The following LRMDA variants were observed in gnomAD, a reference collection of about 807,000 sequenced individuals.
The protein encoded by LRMDA is leucine-rich melanocyte differentiation-associated protein.
Under a neutral mutation model 29.8 loss-of-function variants are expected in LRMDA, and 18 were observed. That is an observed-to-expected ratio of 0.60 (90% confidence interval 0.42 to 0.90). The LOEUF (loss-of-function observed/expected upper bound fraction) is 0.90. Among genes scored for constraint, LRMDA ranks in the 40% least tolerant of loss-of-function variants. The pLI is 0.00. For synonymous variants in LRMDA, 125 were observed against 109.4 expected (o/e 1.14, Z -0.89); for missense variants, 273 against 273.9 (o/e 1.00, Z 0.02).
At chr10:76,554,870 G>GGTGT (rs72203665) in intron 6 of LRMDA, among the ~76,000 whole-genome samples, 728 of 150,608 alleles carry the variant, frequency 4.8e-3, no homozygotes, top group African/African-American at 0.016. Context: ...CATGGTGGGT[G>GGTGT]GTGTGTGTGT....
chr10:75,918,915 C>G (rs1845980407), intron 2 of LRMDA, among the ~76,000 whole-genome samples: 1 of 152,172 alleles, frequency 6.6e-6, no homozygotes, highest in Non-Finnish European at 1.5e-5. Flanking sequence ...ATGGAGCAGA[C>G]AGTTCCTCCC....
intron 2 of LRMDA, among the ~76,000 whole-genome samples, chr10:75,900,562 A>C (rs1361842095): frequency 2.0e-5 from 3 of 152,178 alleles, no homozygotes; most frequent in Non-Finnish European, 4.4e-5. Context: ...GCACAAGAAA[A>C]AAGAGATTGA....
chr10:76,011,856 C>T (rs1486979418), intron 2 of LRMDA, among the ~76,000 whole-genome samples: 1 of 152,170 alleles, frequency 6.6e-6, no homozygotes, highest in Non-Finnish European at 1.5e-5. Flanking sequence ...ATAGGCACAT[C>T]CCTGACTTCC....
chr10:75,751,761 A>G (rs557654261), intron 2 of LRMDA, among the ~76,000 whole-genome samples: 2 of 151,884 alleles, frequency 1.3e-5, no homozygotes, highest in East Asian at 3.9e-4. Context: ...ACATTATTAA[A>G]TACACGGCTC....
intron 3 of LRMDA, among the ~76,000 whole-genome samples, chr10:76,039,831 A>G (rs923774905): frequency 6.6e-6 from 1 of 152,244 alleles, no homozygotes; most frequent in African/African-American, 2.4e-5. Flanking sequence ...CTAGTAACAT[A>G]GTAAGTGCTA....
chr10:75,493,467 T>A (rs1845011423), intron 2 of LRMDA, among the ~76,000 whole-genome samples: 1 of 151,728 alleles, frequency 6.6e-6, no homozygotes, highest in South Asian at 2.1e-4. Flanking sequence ...GTTGAAGGTA[T>A]GTTCTCTCAA....
intron 2 of LRMDA, among the ~76,000 whole-genome samples, chr10:75,556,174 G>T (rs1409313908): frequency 6.6e-6 from 1 of 152,050 alleles, no homozygotes; most frequent in African/African-American, 2.4e-5. Context: ...CAATCATTAA[G>T]CAGGATTAAT....
At chr10:75,691,605 A>G (rs984057742) in intron 2 of LRMDA, among the ~76,000 whole-genome samples, 2 of 152,180 alleles carry the variant, frequency 1.3e-5, no homozygotes, top group Non-Finnish European at 2.9e-5. Context: ...TTCTATCAAC[A>G]TAAGCTCATA....
intron 2 of LRMDA, among the ~76,000 whole-genome samples, chr10:75,747,347 G>A (rs953412579): frequency 6.6e-6 from 1 of 152,084 alleles, no homozygotes; most frequent in African/African-American, 2.4e-5. Flanking sequence ...TTTAATTATG[G>A]TATTATTCAA....
intron 2 of LRMDA, among the ~76,000 whole-genome samples, chr10:75,468,794 G>A (rs999872588): frequency 1.3e-5 from 2 of 151,894 alleles, no homozygotes; most frequent in African/African-American, 2.4e-5. Context: ...AGTCCATGGC[G>A]GCCGTCCAGC....
intron 2 of LRMDA, among the ~76,000 whole-genome samples, chr10:75,666,115 T>C (rs2132138836): frequency 6.6e-6 from 1 of 152,284 alleles, no homozygotes; most frequent in East Asian, 1.9e-4. Context: ...AGCATGAAAA[T>C]TCTTATCTTT....
intron 2 of LRMDA, among the ~76,000 whole-genome samples, chr10:75,907,053 C>G (rs141740571): frequency 1.3e-5 from 2 of 152,274 alleles, no homozygotes; most frequent in African/African-American, 4.8e-5. Context: ...GGCATTCAAA[C>G]TCTTGGACGT....
At chr10:76,060,930 A>G (rs1848692614) in intron 5 of LRMDA, among the ~76,000 whole-genome samples, 1 of 152,238 alleles carries the variant, frequency 6.6e-6, no homozygotes, top group Non-Finnish European at 1.5e-5. Flanking sequence ...GTTAAGGTGT[A>G]AATTAGTTCA....
intron 5 of LRMDA, among the ~76,000 whole-genome samples, chr10:76,123,515 C>G (rs555145402): frequency 6.6e-6 from 1 of 152,138 alleles, no homozygotes; most frequent in South Asian, 2.1e-4. Context: ...TCTCAGAACA[C>G]AAAAACAAAA....
At chr10:75,641,787 A>C (rs762277362) in intron 2 of LRMDA, among the ~76,000 whole-genome samples, 2 of 152,154 alleles carry the variant, frequency 1.3e-5, no homozygotes, top group Non-Finnish European at 2.9e-5. Flanking sequence ...AATCTACCAG[A>C]AAGATAAATA....
At chr10:75,576,632 C>T (rs563132285) in intron 2 of LRMDA, among the ~76,000 whole-genome samples, 2 of 152,292 alleles carry the variant, frequency 1.3e-5, no homozygotes, top group East Asian at 3.9e-4. Context: ...CTCTGTTTGG[C>T]ATCTGGCAGG....
At chr10:75,864,870 A>G (rs1479818453) in intron 2 of LRMDA, among the ~76,000 whole-genome samples, 1 of 152,212 alleles carries the variant, frequency 6.6e-6, no homozygotes, top group African/African-American at 2.4e-5. Context: ...TGAATTATGT[A>G]CAGCTTGCCA....
chr10:75,990,774 G>A (rs1046083954), intron 2 of LRMDA, among the ~76,000 whole-genome samples: 3 of 152,208 alleles, frequency 2.0e-5, no homozygotes, highest in Admixed American at 1.3e-4. Flanking sequence ...TGTGTGTTTA[G>A]GAAATGCCAG....
intron 2 of LRMDA, among the ~76,000 whole-genome samples, chr10:75,770,161 C>T (rs1843221161): frequency 1.3e-5 from 2 of 151,948 alleles, no homozygotes; most frequent in East Asian, 3.9e-4. Flanking sequence ...CATGGTGGTA[C>T]ACACGTGTAG....
Sources: gnomAD v4.1 joint callset for allele counts (sites outside exome capture counted in the v4.1 genomes callset) on GRCh38, gnomAD v4.1.1 for gene constraint, MANE v1.5 for transcripts, NCBI Gene and HGNC (gene_info 2026-07-23, HGNC 2026-07-21) for gene names.